The following CNTLN variants were observed in gnomAD, a reference collection of about 807,000 sequenced individuals.
CNTLN encodes the protein centlein.
A neutral mutation model predicts 180.0 loss-of-function variants in CNTLN; 212 were observed. The observed-to-expected ratio is 1.18, with a 90% CI of 1.05 to 1.32. CNTLN has a LOEUF of 1.32. CNTLN is among the 40% of genes most tolerant of loss of function. The pLI is 0.00. For synonymous variants in CNTLN, 722 were observed against 563.1 expected, an observed-to-expected ratio of 1.28 and a Z score of -3.99; for missense variants, 2,095 against 1,610.9, an observed-to-expected ratio of 1.30 and a Z score of -5.14.
intron 6 of CNTLN, among the ~76,000 whole-genome samples, chr9:17,279,825 A>G (rs369217564): frequency 3.7e-5 from 2 of 53,804 alleles, no homozygotes; most frequent in Non-Finnish European, 6.9e-5. Context: ...TCAGTGTGGG[A>G]CATTGGGCTC....
chr9:17,494,374 T>G (rs1833333049), intron 25 of CNTLN, among the ~76,000 whole-genome samples: 1 of 152,114 alleles, frequency 6.6e-6, no homozygotes, highest in South Asian at 2.1e-4. Context: ...TTTTTTTAAT[T>G]AACTTTTATT....
intron 2 of CNTLN, among the ~76,000 whole-genome samples, chr9:17,157,044 C>CT (rs1372050803): frequency 6.6e-6 from 1 of 152,186 alleles, no homozygotes; most frequent in Non-Finnish European, 1.5e-5. Flanking sequence ...AGTGATAACA[C>CT]TGTCTACTGT....
intron 15 of CNTLN, among the ~76,000 whole-genome samples, chr9:17,399,627 C>T (rs1205297960): frequency 6.6e-6 from 1 of 152,056 alleles, no homozygotes; most frequent in Non-Finnish European, 1.5e-5. Flanking sequence ...AGCATATTCA[C>T]TCACATTACC....
At chr9:17,342,217 G>A (rs1366867575) in intron 11 of CNTLN, 108 bp from the exon 12 acceptor site, 6 of 1,084,890 alleles carry the variant, frequency 5.5e-6, no homozygotes, top group Non-Finnish European at 8.0e-6. Context: ...GTGAACTCGA[G>A]TTAGAAATTT....
intron 2 of CNTLN, among the ~76,000 whole-genome samples, chr9:17,149,512 C>CTTTTTTTTTTTTTTTTTTTTTT (rs55691769): frequency 1.7e-4 from 18 of 106,142 alleles, no homozygotes; most frequent in East Asian, 2.6e-4. Context: ...TTCTTTCTTT[C>CTTTTTTTTTTTTTTTTTTTTTT]TTTTTTTTTT....
chr9:17,188,043 T>A (rs4961530), intron 2 of CNTLN, among the ~76,000 whole-genome samples: 39,126 of 149,244 alleles, frequency 0.26, 6,471 homozygotes, highest in African/African-American at 0.46. Flanking sequence ...CACAGCATAT[T>A]TATGTATATA....
intron 20 of CNTLN, among the ~76,000 whole-genome samples, 181 bp downstream of exon 20, chr9:17,463,194 C>CT (rs1201582523): frequency 6.6e-6 from 1 of 151,438 alleles, no homozygotes; most frequent in East Asian, 1.9e-4. Context: ...AAGCTATTTA[C>CT]TTTTTTAAAT....
chr9:17,467,932 C>T (rs1831840774), intron 23 of CNTLN, among the ~76,000 whole-genome samples: 1 of 151,666 alleles, frequency 6.6e-6, no homozygotes, highest in African/African-American at 2.4e-5. Flanking sequence ...CATAAAGACA[C>T]ATGCATGCGT....
intron 2 of CNTLN, among the ~76,000 whole-genome samples, chr9:17,146,486 C>T (rs1818465950): frequency 6.6e-6 from 1 of 152,128 alleles, no homozygotes; most frequent in African/African-American, 2.4e-5. Flanking sequence ...GAAGTGATTA[C>T]ATCATGAGGG....
In CNTLN at chr9:17,296,920, T is replaced by C. The variant is rs188307231; in HGVS notation, c.984-1270T>C. On this transcript the variant is annotated intron_variant, in intron 6 of 25. Transcript: ENST00000380647. ...CATCCATGTTCAACAACTGTCTCCG[T>C]ATCTCTTTTATTCCTTCTTTCTTTT... is the stretch of plus-strand genomic sequence containing the variant. Among the ~76,000 whole-genome samples, 17 of 152,352 alleles carry C rather than the reference T, an allele frequency of 1.1e-4. No homozygotes were observed. In the East Asian group the frequency reaches 2.7e-3, roughly 24 times the overall value.
intron 2 of CNTLN, among the ~76,000 whole-genome samples, chr9:17,216,032 C>T (rs1305078506): frequency 6.6e-6 from 1 of 152,126 alleles, no homozygotes; most frequent in African/African-American, 2.4e-5. Context: ...TGCTTTGGCT[C>T]ACATTCGGTG....
intron 23 of CNTLN, among the ~76,000 whole-genome samples, chr9:17,471,277 T>A (rs1293625799): frequency 2.6e-5 from 4 of 151,918 alleles, no homozygotes; most frequent in Non-Finnish European, 2.9e-5. Flanking sequence ...AAGCAATCCA[T>A]AATGATTCGA....
At chr9:17,212,935 T>C (rs1241347785) in intron 2 of CNTLN, among the ~76,000 whole-genome samples, 1 of 152,208 alleles carries the variant, frequency 6.6e-6, no homozygotes, top group Non-Finnish European at 1.5e-5. Flanking sequence ...TCTATTTGAT[T>C]CTTCTCTCTT....
rs185161103 is a variant in CNTLN at position 17,496,474 on chromosome 9, G to C, written c.4120-6077G>C. ...TTTATAAGGCTACTAATCCCATTCA[G>C]GATGCTTCCATCCTCATGACCTAAT... On this transcript the variant is annotated intron_variant, in intron 25 of 25. Transcript: ENST00000380647. Among the ~76,000 whole-genome samples the C allele has an allele frequency of 2.0e-5, 3 of 152,196 alleles. No individual in the cohort carries two copies. In the East Asian group the frequency reaches 5.8e-4, roughly 29 times the overall value.
At chr9:17,217,502 T>C (rs114734022) in intron 2 of CNTLN, among the ~76,000 whole-genome samples, 1 of 152,200 alleles carries the variant, frequency 6.6e-6, no homozygotes, top group African/African-American at 2.4e-5. Flanking sequence ...AGGACACAGT[T>C]TGAAATGCAA....
intron 6 of CNTLN, among the ~76,000 whole-genome samples, chr9:17,290,498 A>C (rs1325514264): frequency 1.4e-5 from 2 of 146,118 alleles, no homozygotes; most frequent in East Asian, 3.9e-4. Context: ...TGGAGCCTAC[A>C]GAGGCAGGCA....
chr9:17,177,164 C>T (rs1820767138), intron 2 of CNTLN, among the ~76,000 whole-genome samples: 1 of 152,112 alleles, frequency 6.6e-6, no homozygotes, highest in Non-Finnish European at 1.5e-5. Flanking sequence ...AATCCCAGCA[C>T]TTTGGGAGGC....
At chr9:17,389,485 A>G (rs528923162) in intron 14 of CNTLN, among the ~76,000 whole-genome samples, 60 of 152,298 alleles carry the variant, frequency 3.9e-4, no homozygotes, top group African/African-American at 1.3e-3. Flanking sequence ...TCTGCCATAA[A>G]TGAATGCTAC....
chr9:17,463,454 C>G (rs1831569024), intron 20 of CNTLN, among the ~76,000 whole-genome samples: 1 of 151,434 alleles, frequency 6.6e-6, no homozygotes, highest in Non-Finnish European at 1.5e-5. Flanking sequence ...TTTATCAGTA[C>G]AAAGATTTTA....
Sources: allele counts gnomAD v4.1 joint callset (sites outside exome capture counted in the v4.1 genomes callset), GRCh38; gene constraint gnomAD v4.1.1; transcripts MANE v1.5; gene names NCBI Gene and HGNC (gene_info 2026-07-23, HGNC 2026-07-21).